TGFBRAP1: variants seen among roughly 807,000 people sequenced by gnomAD.
TGFBRAP1 encodes the protein transforming growth factor beta receptor associated protein 1, also known as transforming growth factor-beta receptor-associated protein 1.
TGFBRAP1 carries 20 observed loss-of-function variants against 83.2 expected under a neutral mutation model. That is an observed-to-expected ratio of 0.24 (90% confidence interval 0.17 to 0.35). The LOEUF is 0.35. Ranked by LOEUF, TGFBRAP1 falls within the 10% of genes least tolerant of loss-of-function variation. The pLI, the probability that TGFBRAP1 is intolerant of heterozygous loss-of-function variation, is 1.00. For synonymous variants in TGFBRAP1, 415 were observed against 459.8 expected (o/e 0.90, Z 1.25); for missense variants, 950 against 1,099.4 (o/e 0.86, Z 1.92).
At chr2:105,323,503 A>G (rs1203466538) in intron 1 of TGFBRAP1, among the ~76,000 whole-genome samples, 1 of 152,146 alleles carries the variant, frequency 6.6e-6, no homozygotes, top group Non-Finnish European at 1.5e-5. Flanking sequence ...ATGACTGGAC[A>G]CTTTTTTTTG....
chr2:105,288,236 G>C (rs1290929505), intron 4 of TGFBRAP1, among the ~76,000 whole-genome samples: 1 of 152,148 alleles, frequency 6.6e-6, no homozygotes, highest in Non-Finnish European at 1.5e-5. Context: ...GTAAACCCTG[G>C]AGCTGAGGGA....
chr2:105,251,298 T>C, the TGFBRAP1 span, among the ~76,000 whole-genome samples: 188 of 133,498 alleles, frequency 1.4e-3, no homozygotes, highest in African/African-American at 5.2e-3. Context: ...CCTCTCTGCC[T>C]GGCTGCCCAG....
At chr2:105,322,259 C>T (rs1679092380) in intron 1 of TGFBRAP1, among the ~76,000 whole-genome samples, 2 of 152,020 alleles carry the variant, frequency 1.3e-5, no homozygotes, top group South Asian at 4.2e-4. Flanking sequence ...ATGTTTTCAG[C>T]TACATGTTAT....
the TGFBRAP1 span, among the ~76,000 whole-genome samples, chr2:105,258,610 T>G: frequency 1.3e-5 from 2 of 152,078 alleles, no homozygotes; most frequent in Non-Finnish European, 2.9e-5. Flanking sequence ...GTCACAGGTC[T>G]TCCTGGGTCT....
intron 4 of TGFBRAP1, 146 bp downstream of exon 4, chr2:105,296,210 T>C (rs1408300385): frequency 1.0e-6 from 1 of 1,003,818 alleles, no homozygotes; most frequent in Non-Finnish European, 1.4e-6. Flanking sequence ...CTACACAATA[T>C]GTATTTGTTG....
intron 4 of TGFBRAP1, among the ~76,000 whole-genome samples, chr2:105,291,795 G>T (rs1677926175): frequency 1.3e-5 from 2 of 152,330 alleles, no homozygotes; most frequent in African/African-American, 4.8e-5. Context: ...CATACAGTGG[G>T]AAGTGGGAGG....
chr2:105,311,177 C>T (rs1368502350), intron 1 of TGFBRAP1, among the ~76,000 whole-genome samples: 1 of 140,350 alleles, frequency 7.1e-6, no homozygotes, highest in East Asian at 2.1e-4. Context: ...AACAAAAAAA[C>T]ATATGGTTTA....
At position 105,318,804 on chromosome 2, in the gene TGFBRAP1, G is replaced by A. The variant is rs545465654; in HGVS notation, c.-17-10486C>T. On this transcript the variant is annotated intron_variant, in intron 1 of 11. Transcript: ENST00000393359. ...GCATGTGGTAGATGGCTCAGGGGGCGAACACCCTGCCCCATGGGCGTGTAT... is the reference window on the plus strand; with the variant it reads ...GCATGTGGTAGATGGCTCAGGGGGCAAACACCCTGCCCCATGGGCGTGTAT... Among the ~76,000 whole-genome samples the A allele has an allele frequency of 1.1e-4, 17 of 152,284 alleles. No homozygotes were observed. The South Asian group carries it at 2.3e-3, about 20-fold the overall frequency.
rs1357715537 is a variant in TGFBRAP1, at chr2:105,277,680, GAAC to G, written c.1464-12_1464-10del. On this transcript the variant is annotated splice_polypyrimidine_tract_variant and intron_variant, in intron 6 of 11. Transcript: ENST00000393359. ...GTCCAAGTGCAAAATACCTGAAACA[GAAC>G]AACACGGTAAGTACAACCTCTCCCC... is the stretch of plus-strand genomic sequence containing the variant. 2.3e-5 allele frequency: 37 copies of G among 1,613,886 alleles called. No homozygotes were observed. Among genetic ancestry groups the G allele is most frequent in the Non-Finnish European group, 3.1e-5 (36 of 1,179,932 alleles).
rs3060066 is a variant in TGFBRAP1, at chr2:105,294,307, G to GGTGTGTGTGT, written c.1038+2039_1038+2048dup. ...TAGGCATGTGCTTCATAGGAGTGAG[G>GGTGTGTGTGT]GTGTGTGTGTGTGTGTGTGTGTGTG... is the stretch of plus-strand genomic sequence containing the variant. On this transcript the variant is annotated intron_variant, in intron 4 of 11. Coordinates refer to ENST00000393359, the MANE Select transcript of TGFBRAP1 (RefSeq NM_004257.6). Among the ~76,000 whole-genome samples the GGTGTGTGTGT allele has an allele frequency of 6.2e-3, 915 of 147,972 alleles. 6 individuals are homozygous for GGTGTGTGTGT. The highest frequency in any genetic ancestry group is 8.2e-3 in the African/African-American group (325 of 39,870).
At chr2:105,278,063 AAT>A (rs1187990382) in intron 6 of TGFBRAP1, among the ~76,000 whole-genome samples, 6 of 125,514 alleles carry the variant, frequency 4.8e-5, no homozygotes, top group African/African-American at 1.9e-4. Context: ...TGTCTCAAAA[AAT>A]ATATGTGTGT....
At position 105,280,594 on chromosome 2, in the gene TGFBRAP1, G is replaced by T. The variant is rs1197598389; in HGVS notation, c.1251C>A (p.Asp417Glu). The T allele has an allele frequency of 6.2e-7, 1 of 1,614,116 alleles. No individual in the cohort carries two copies. The highest frequency in any genetic ancestry group is 8.5e-7 in the Non-Finnish European group (1 of 1,180,026). Residue 417 changes from aspartate (D) to glutamate (E), a missense_variant, in exon 6 of 12, where the codon GAC becomes GAA. Transcript: ENST00000393359. ...GTTTGCACTTGGCCATCTTCTCCTG[G>T]TCCCCCTGGGTCAGCTGGTTCAGGT... ...YADLNQLTQG[D>E]QEKMAKCKRF...
chr2:105,299,061 G>A (rs1678190812), intron 2 of TGFBRAP1, among the ~76,000 whole-genome samples: 1 of 152,118 alleles, frequency 6.6e-6, no homozygotes, highest in Non-Finnish European at 1.5e-5. Flanking sequence ...GGCAGATGGT[G>A]CTTGAGCTCA....
chr2:105,301,252 G>A (rs989609862), intron 2 of TGFBRAP1, among the ~76,000 whole-genome samples: 2 of 151,766 alleles, frequency 1.3e-5, no homozygotes, highest in Non-Finnish European at 2.9e-5. Context: ...ATAATTTAAA[G>A]AGATAAAATT....
chr2:105,301,470 C>T (rs1558646023), intron 2 of TGFBRAP1, among the ~76,000 whole-genome samples: 1 of 151,724 alleles, frequency 6.6e-6, no homozygotes. Context: ...ACCTGTAATC[C>T]CAGCTACTAG....
intron 4 of TGFBRAP1, among the ~76,000 whole-genome samples, chr2:105,286,021 A>T (rs11892893): frequency 0.019 from 2,965 of 152,328 alleles, 104 homozygotes; most frequent in African/African-American, 0.067. Context: ...GCTGCAGTAG[A>T]AGAATTCTCA....
At chr2:105,272,355 C>T (rs146718024) in intron 10 of TGFBRAP1, among the ~76,000 whole-genome samples, 17 of 152,324 alleles carry the variant, frequency 1.1e-4, no homozygotes, top group Admixed American at 6.5e-4. Flanking sequence ...GCAGTGCCTA[C>T]TGCAAAGCCT....
At chr2:105,256,592 C>T in the TGFBRAP1 span, among the ~76,000 whole-genome samples, 1 of 152,162 alleles carries the variant, frequency 6.6e-6, no homozygotes, top group Non-Finnish European at 1.5e-5. Context: ...TATATGAGTA[C>T]ACAGTCAAAA....
chr2:105,321,164 A>T (rs938528058), intron 1 of TGFBRAP1, among the ~76,000 whole-genome samples: 19 of 151,392 alleles, frequency 1.3e-4, no homozygotes, highest in African/African-American at 3.9e-4. Flanking sequence ...TTATTTATTT[A>T]TTTATTTTTT....
Sources: gnomAD v4.1 joint callset for allele counts (sites outside exome capture counted in the v4.1 genomes callset) on GRCh38, gnomAD v4.1.1 for gene constraint, MANE v1.5 for transcripts, NCBI Gene and HGNC (gene_info 2026-07-23, HGNC 2026-07-21) for gene names.